MAGI2: variants seen among roughly 807,000 people sequenced by gnomAD.
MAGI2 encodes membrane associated guanylate kinase, WW and PDZ domain containing 2.
In MAGI2, 35 loss-of-function variants were observed where a neutral mutation model predicts 133.3. That is an observed-to-expected ratio of 0.26 (90% CI 0.20 to 0.35). The LOEUF is 0.35. Among genes scored for constraint, MAGI2 ranks in the 10% least tolerant of loss-of-function variants. The pLI is 1.00. For missense variants in MAGI2, 1,636 were observed against 1,863.4 expected, an observed-to-expected ratio of 0.88 and a Z score of 2.25; for synonymous variants, 729 against 710.6, an observed-to-expected ratio of 1.03 and a Z score of -0.41.
intron 21 of MAGI2, among the ~76,000 whole-genome samples, chr7:78,072,171 C>T (rs1309661808): frequency 6.6e-6 from 1 of 152,102 alleles, no homozygotes; most frequent in Non-Finnish European, 1.5e-5. Context: ...AGATTTACCC[C>T]CACTCAGCAA....
intron 9 of MAGI2, among the ~76,000 whole-genome samples, chr7:78,331,448 T>A (rs557725205): frequency 6.6e-5 from 10 of 152,380 alleles, no homozygotes; most frequent in African/African-American, 2.4e-4. Flanking sequence ...GTGCTCACTT[T>A]GGTTCATTGA....
intron 2 of MAGI2, among the ~76,000 whole-genome samples, chr7:78,848,501 G>C (rs956830816): frequency 3.9e-5 from 6 of 151,968 alleles, no homozygotes; most frequent in Admixed American, 6.6e-5. Flanking sequence ...ATTAGATCAT[G>C]TTGTTCTCTG....
intron 1 of MAGI2, among the ~76,000 whole-genome samples, chr7:79,435,718 T>A (rs377633282): frequency 6.6e-6 from 1 of 152,246 alleles, no homozygotes; most frequent in African/African-American, 2.4e-5. Context: ...GCTATTCCTA[T>A]CAAACTACCA....
At chr7:79,246,013 TCCAAGA>T (rs1832798856) in intron 1 of MAGI2, among the ~76,000 whole-genome samples, 1 of 152,168 alleles carries the variant, frequency 6.6e-6, no homozygotes, top group African/African-American at 2.4e-5. Context: ...CTGGATCTTA[TCCAAGA>T]CCACCAGGGC....
chr7:79,213,325 TACAC>T lies in MAGI2; in HGVS notation c.302-206123_302-206120del, dbSNP rs146529788. Among the ~76,000 whole-genome samples the T allele has an allele frequency of 1.8e-3, 264 of 145,458 alleles. 1 individual carries two copies. Among genetic ancestry groups the T allele is most frequent in the East Asian group, 7.5e-3 (37 of 4,956 alleles). ...GTGTATTTACACACACGTACACACG[TACAC>T]ACACACACACACACACACACATATA... On this transcript the variant is annotated intron_variant, in intron 1 of 21. Transcript: ENST00000354212.
chr7:78,607,815 T>C (rs1294732689), intron 3 of MAGI2, among the ~76,000 whole-genome samples: 1 of 152,188 alleles, frequency 6.6e-6, no homozygotes, highest in Admixed American at 6.5e-5. Context: ...CCATGAGAGC[T>C]CTGAATCCCT....
chr7:78,071,774 T>G (rs1814737127), intron 21 of MAGI2, among the ~76,000 whole-genome samples: 1 of 152,202 alleles, frequency 6.6e-6, no homozygotes, highest in Non-Finnish European at 1.5e-5. Flanking sequence ...GAAGGTGTTC[T>G]TGAGTGATTT....
chr7:78,495,368 T>C (rs1793994759), intron 5 of MAGI2, among the ~76,000 whole-genome samples: 1 of 152,128 alleles, frequency 6.6e-6, no homozygotes, highest in Non-Finnish European at 1.5e-5. Context: ...CGGTGTTTGG[T>C]TTTCTGTTCA....
intron 1 of MAGI2, among the ~76,000 whole-genome samples, chr7:79,015,982 A>G (rs1808670141): frequency 2.5e-5 from 2 of 80,598 alleles, no homozygotes; most frequent in Non-Finnish European, 4.7e-5. Flanking sequence ...CTAGCCCTCA[A>G]TGACTCCTGG....
chr7:78,732,784 A>G (rs1821493107), intron 2 of MAGI2, among the ~76,000 whole-genome samples: 1 of 112,040 alleles, frequency 8.9e-6, no homozygotes, highest in Non-Finnish European at 2.1e-5. Flanking sequence ...TGATGTTTTT[A>G]TTTGTGGATT....
chr7:78,112,625 G>T (rs1819464328), intron 20 of MAGI2, among the ~76,000 whole-genome samples: 2 of 152,206 alleles, frequency 1.3e-5, no homozygotes, highest in South Asian at 4.1e-4. Context: ...TAGTGAATGT[G>T]CAGAGTTGGA....
At chr7:78,700,009 A>G (rs1817904217) in intron 2 of MAGI2, among the ~76,000 whole-genome samples, 1 of 152,190 alleles carries the variant, frequency 6.6e-6, no homozygotes, top group South Asian at 2.1e-4. Flanking sequence ...AATAGAAATT[A>G]TGAAGCAAAT....
At chr7:78,040,474 G>GAA (rs1810706598) in intron 21 of MAGI2, among the ~76,000 whole-genome samples, 7 of 152,322 alleles carry the variant, frequency 4.6e-5, no homozygotes, top group African/African-American at 1.7e-4. Flanking sequence ...CAGGAAGGGG[G>GAA]CGCCCGATTC....
At chr7:79,346,385 T>C (rs1356052153) in intron 1 of MAGI2, among the ~76,000 whole-genome samples, 1 of 152,018 alleles carries the variant, frequency 6.6e-6, no homozygotes, top group Non-Finnish European at 1.5e-5. Flanking sequence ...ATGAAAGTAC[T>C]TTACCATGAG....
At chr7:79,085,306 G>A (rs1447538063) in intron 1 of MAGI2, among the ~76,000 whole-genome samples, 1 of 151,648 alleles carries the variant, frequency 6.6e-6, no homozygotes, top group Non-Finnish European at 1.5e-5. Context: ...TTTTGATCTT[G>A]AGAATATATT....
chr7:78,109,220 C>T (rs1819055757), intron 20 of MAGI2, among the ~76,000 whole-genome samples: 2 of 123,014 alleles, frequency 1.6e-5, no homozygotes, highest in Admixed American at 1.9e-4. Context: ...AGGAGAATGG[C>T]GCGAACCCAG....
chr7:78,924,853 C>CTATTAT (rs1287134682), intron 2 of MAGI2, among the ~76,000 whole-genome samples: 4,760 of 148,806 alleles, frequency 0.032, 235 homozygotes, highest in African/African-American at 0.1. Context: ...ATTATTACTA[C>CTATTAT]TATTATTATT....
chr7:78,758,776 T>C (rs1824205469), intron 2 of MAGI2, among the ~76,000 whole-genome samples: 2 of 152,214 alleles, frequency 1.3e-5, no homozygotes, highest in African/African-American at 2.4e-5. Context: ...CTCCTTGAAG[T>C]ATCCTATTCT....
chr7:79,127,338 T>C (rs933264390), intron 1 of MAGI2, among the ~76,000 whole-genome samples: 1 of 152,134 alleles, frequency 6.6e-6, no homozygotes, highest in Non-Finnish European at 1.5e-5. Flanking sequence ...CTGGGTCAAA[T>C]GGTATTTCTA....
Sources: allele counts gnomAD v4.1 joint callset (sites outside exome capture counted in the v4.1 genomes callset), GRCh38; gene constraint gnomAD v4.1.1; transcripts MANE v1.5; gene names NCBI Gene and HGNC (gene_info 2026-07-23, HGNC 2026-07-21).